Variants in VWA3B observed in about 807,000 individuals in gnomAD.
The protein encoded by VWA3B is von Willebrand factor A domain containing 3B.
Under a neutral mutation model 158.3 loss-of-function variants are expected in VWA3B, and 138 were observed. That is an observed-to-expected ratio of 0.87 (90% CI 0.76 to 1.00). VWA3B has a LOEUF of 1.00. Ranked by LOEUF, VWA3B falls within the 50% of genes least tolerant of loss-of-function variation. The pLI is 0.00. For missense variants in VWA3B, 1,555 were observed against 1,565.1 expected (o/e 0.99, Z 0.11); for synonymous variants, 596 against 587.3 (o/e 1.01, Z -0.21).
chr2:98,295,649 T>TC (rs1689758809), intron 23 of VWA3B, among the ~76,000 whole-genome samples: 1 of 152,100 alleles, frequency 6.6e-6, no homozygotes, highest in African/African-American at 2.4e-5. Flanking sequence ...TTCTTCAGCT[T>TC]GCCACCCTTC....
In VWA3B at chr2:98,311,924, G is replaced by A. The variant is rs1690920594; in HGVS notation, c.3627G>A (p.Lys1209=). ...EPRREKPRRK[K]RPAKQPLQQA... ...GACGAGAGAAGCCCAGGAGGAAAAAGAGGCCCGCCAAGCAGCCACTCCAGC... is the reference window on the plus strand; with the variant it reads ...GACGAGAGAAGCCCAGGAGGAAAAAAAGGCCCGCCAAGCAGCCACTCCAGC... Residue 1209 remains lysine (K), a synonymous_variant, in exon 27 of 28, where the codon AAG becomes AAA. Transcript: ENST00000477737. 3 of 1,608,616 alleles carry A rather than the reference G, an allele frequency of 1.9e-6. No homozygotes were observed. Among genetic ancestry groups the A allele is most frequent in the African/African-American group, 1.3e-5 (1 of 74,796 alleles).
chr2:98,314,147 C>T (rs1040975653), downstream of VWA3B, among the ~76,000 whole-genome samples: 2 of 152,164 alleles, frequency 1.3e-5, no homozygotes, highest in Non-Finnish European at 2.9e-5. Context: ...AGGGGGAACC[C>T]AAACACAGCC....
At chr2:98,316,846 T>C (rs993306555), downstream of VWA3B, among the ~76,000 whole-genome samples, 1 of 152,100 alleles carries the variant, frequency 6.6e-6, no homozygotes, top group Admixed American at 6.5e-5. Flanking sequence ...TGCTCTGGCC[T>C]TGTAAGTACT....
chr2:98,230,246 CTCT>C, intron 16 of VWA3B, 39 bp downstream of exon 16: 1 of 1,483,918 alleles, frequency 6.7e-7, no homozygotes, highest in South Asian at 1.5e-5. Flanking sequence ...TTGCTGGTTT[CTCT>C]TCAAGGCAAG....
intron 14 of VWA3B, among the ~76,000 whole-genome samples, chr2:98,220,165 TAAA>T (rs58005028): frequency 0.065 from 5,476 of 83,744 alleles, 84 homozygotes; most frequent in Middle Eastern, 0.094. Flanking sequence ...ACCTGTCTCA[TAAA>T]AAAAAAAAAA....
At position 98,119,648 on chromosome 2, in the gene VWA3B, A is replaced by C; in HGVS notation, c.427A>C (p.Thr143Pro). 6.2e-7 allele frequency: 1 copy of C among 1,614,080 alleles called. No homozygotes were observed. The highest frequency in any genetic ancestry group is 8.5e-7 in the Non-Finnish European group (1 of 1,180,020). The change falls in exon 4 of 28, where the codon ACC becomes CCC. Residue 143 changes from threonine to proline, a missense_variant. By Grantham distance (38) the Thr-to-Pro change is conservative. Transcript: ENST00000477737. ...IFGVILEQCV[T>P]IVLDFGGILE... is the part of the protein sequence containing the mutation. ...TGGTGTCATCTTGGAACAGTGCGTC[A>C]CCATAGTGCTGGATTTTGGCGGCAT...
intron 22 of VWA3B, among the ~76,000 whole-genome samples, chr2:98,274,842 G>T: frequency 6.6e-6 from 1 of 152,224 alleles, no homozygotes; most frequent in East Asian, 1.9e-4. Flanking sequence ...ACACTGGGGA[G>T]AGAACAGGTA....
chr2:98,164,023 G>A (rs1678869444), intron 8 of VWA3B, among the ~76,000 whole-genome samples: 2 of 152,216 alleles, frequency 1.3e-5, no homozygotes, highest in Admixed American at 6.5e-5. Context: ...CTTCCAGGGA[G>A]GAGGAGCAGG....
At chr2:98,253,839 A>G (rs1217016505) in intron 20 of VWA3B, among the ~76,000 whole-genome samples, 3 of 152,148 alleles carry the variant, frequency 2.0e-5, no homozygotes, top group Admixed American at 6.5e-5. Context: ...TCCCTGAATC[A>G]TGGGGCTGGA....
intron 24 of VWA3B, among the ~76,000 whole-genome samples, chr2:98,298,427 CTATTCTATTCTATTCT>C (rs1558773759): frequency 5.0e-4 from 76 of 151,278 alleles, no homozygotes; most frequent in Non-Finnish European, 7.1e-4. Context: ...CTATTCTATT[CTATTCTATTCTATTCT>C]ATGCCATGCC....
Position 98,195,976 on chromosome 2 carries a change from C to A in VWA3B, c.1737+1484C>A, listed in dbSNP as rs555844193. Among the ~76,000 whole-genome samples the A allele has an allele frequency of 2.6e-5, 4 of 152,188 alleles. No homozygotes were observed. The South Asian group carries it at 6.2e-4, about 24-fold the overall frequency. On this transcript the variant is annotated intron_variant, in intron 12 of 27. Coordinates refer to ENST00000477737, the MANE Select transcript of VWA3B (RefSeq NM_144992.5). ...TGTCATTTGCAACCAAATAAATGAA[C>A]CTGGAGGACATTATATTAAGTAAAA...
intron 7 of VWA3B, among the ~76,000 whole-genome samples, chr2:98,143,752 C>CTTT (rs534351736): frequency 3.1e-5 from 4 of 130,932 alleles, no homozygotes; most frequent in East Asian, 2.1e-4. Flanking sequence ...CTTTTCTTTT[C>CTTT]TTTTTTTTTT....
intron 13 of VWA3B, among the ~76,000 whole-genome samples, chr2:98,212,396 T>TCA (rs1462896001): frequency 1.3e-5 from 2 of 152,234 alleles, no homozygotes; most frequent in Admixed American, 6.5e-5. Flanking sequence ...ATCTAACATG[T>TCA]CACTGCATAA....
At chr2:98,247,365 A>G (rs1686467823) in intron 19 of VWA3B, among the ~76,000 whole-genome samples, 1 of 151,956 alleles carries the variant, frequency 6.6e-6, no homozygotes, top group Admixed American at 6.6e-5. Flanking sequence ...ACAATGGGGG[A>G]TTTTAGTACC....
At chr2:98,129,346 C>A (rs72817748) in intron 6 of VWA3B, among the ~76,000 whole-genome samples, 1 of 148,468 alleles carries the variant, frequency 6.7e-6, no homozygotes, top group Non-Finnish European at 1.5e-5. Context: ...AGCAGAGAGA[C>A]GGAGAAAGAG....
At chr2:98,212,183 T>G in intron 13 of VWA3B, 155 bp downstream of exon 13, 1 of 578,290 alleles carries the variant, frequency 1.7e-6, no homozygotes, top group East Asian at 2.9e-5. Flanking sequence ...GAAAATACAC[T>G]GAAAGATTCT....
intron 8 of VWA3B, among the ~76,000 whole-genome samples, chr2:98,171,834 T>C (rs1250836521): frequency 6.6e-6 from 1 of 151,932 alleles, no homozygotes; most frequent in Non-Finnish European, 1.5e-5. Context: ...AATGGGCAGG[T>C]ATGAGGGAGA....
At chr2:98,276,471 G>A (rs1558753498) in intron 22 of VWA3B, among the ~76,000 whole-genome samples, 1 of 152,238 alleles carries the variant, frequency 6.6e-6, no homozygotes, top group Admixed American at 6.5e-5. Flanking sequence ...TTTGATGGAT[G>A]AGTATAAATT....
At chr2:98,121,566 A>G in intron 5 of VWA3B, 108 bp downstream of exon 5, 1 of 1,437,326 alleles carries the variant, frequency 7.0e-7, no homozygotes, top group Non-Finnish European at 9.5e-7. Flanking sequence ...GGCCCCTCCC[A>G]GCAGGATCCG....
Sources: allele counts gnomAD v4.1 joint callset (sites outside exome capture counted in the v4.1 genomes callset), GRCh38; gene constraint gnomAD v4.1.1; transcripts MANE v1.5; gene names NCBI Gene and HGNC (gene_info 2026-07-23, HGNC 2026-07-21).